KREMEN1: variants seen among roughly 807,000 people sequenced by gnomAD.
The protein encoded by KREMEN1 is kremen protein 1.
KREMEN1 carries 30 observed loss-of-function variants against 46.5 expected under a neutral mutation model. That is an observed-to-expected ratio of 0.65 (90% CI 0.48 to 0.88). The LOEUF is 0.88. Among genes scored for constraint, KREMEN1 ranks in the 40% least tolerant of loss-of-function variants. The pLI, the probability that KREMEN1 is intolerant of heterozygous loss-of-function variation, is 0.00. For synonymous variants in KREMEN1, 214 were observed against 230.6 expected (o/e 0.93, Z 0.65); for missense variants, 533 against 596.9 (o/e 0.89, Z 1.11).
rs377280163 is a variant in KREMEN1, at chr22:29,137,610, C to T, written c.900C>T (p.Phe300=). Residue 300 remains phenylalanine, a synonymous_variant, in exon 6 of 9, where the codon TTC becomes TTT. Transcript: ENST00000400335. ...PPLSFNVSLD[F]VILYFFSDRI... is the part of the protein sequence containing the mutation. ...TGTCCTTCAACGTCTCTCTGGACTT[C>T]GTCATCTTGTATTTCTTCTCTGATC... 3.7e-6 allele frequency: 6 copies of T among 1,612,424 alleles called. No individual in the cohort carries two copies. Among genetic ancestry groups the T allele is most frequent in the African/African-American group, 1.3e-5 (1 of 74,912 alleles).
chr22:29,096,099 G>A (rs1322976394), intron 2 of KREMEN1, among the ~76,000 whole-genome samples: 2 of 151,976 alleles, frequency 1.3e-5, no homozygotes, highest in Non-Finnish European at 1.5e-5. Context: ...AGTTATACAT[G>A]TTAATTTATT....
chr22:29,166,461 C>G (rs1258726106), intron 9 of KREMEN1, among the ~76,000 whole-genome samples: 2 of 152,200 alleles, frequency 1.3e-5, no homozygotes, highest in Non-Finnish European at 2.9e-5. Context: ...GGGAGGTCCC[C>G]CTAGACCTCG....
At chr22:29,138,871 G>A (rs1369313487) in intron 7 of KREMEN1, 89 bp downstream of exon 7, 2 of 1,586,946 alleles carry the variant, frequency 1.3e-6, no homozygotes, top group African/African-American at 1.3e-5. Context: ...AAAGCACTTG[G>A]GTGTTTCTTA....
chr22:29,118,663 A>T (rs2038282487), intron 3 of KREMEN1, among the ~76,000 whole-genome samples: 1 of 151,996 alleles, frequency 6.6e-6, no homozygotes, highest in African/African-American at 2.4e-5. Flanking sequence ...TCATAATCTC[A>T]TCTAAACCTA....
intron 3 of KREMEN1, among the ~76,000 whole-genome samples, chr22:29,103,966 TA>T (rs959543552): frequency 2.6e-5 from 4 of 151,858 alleles, no homozygotes; most frequent in Non-Finnish European, 4.4e-5. Context: ...AAGAATGGTT[TA>T]AAAAAAAGTG....
chr22:29,107,206 G>A, intron 3 of KREMEN1, among the ~76,000 whole-genome samples: 1 of 146,472 alleles, frequency 6.8e-6, no homozygotes, highest in East Asian at 2.0e-4. Flanking sequence ...ACATCCCCGT[G>A]TACCATTTAT....
chr22:29,143,169 TA>T lies in KREMEN1; in HGVS notation c.*1060del, dbSNP rs1390982394. On this transcript the variant is annotated 3_prime_UTR_variant, in exon 9 of 9. Transcript: ENST00000400335. The stretch of plus-strand genomic sequence containing the variant: ...CTGTCTCAAAAAAACAAAACACAAA[TA>T]AACAAAAAAAATCCATTCATTTACT... The T allele has an allele frequency of 1.0e-6, 1 of 984,002 alleles. No homozygotes were observed. Among genetic ancestry groups the T allele is most frequent in the Non-Finnish European group, 1.2e-6 (1 of 829,338 alleles). The allele number at this position is 984,002 out of a possible 1,614,324, so 61.0% of individuals were successfully genotyped here. A position where few individuals can be genotyped will look rare whatever the true frequency, so the allele number is the denominator to read the frequency against.
At chr22:29,151,659 G>A (rs1234921649), downstream of KREMEN1, among the ~76,000 whole-genome samples, 1 of 152,154 alleles carries the variant, frequency 6.6e-6, no homozygotes, top group Non-Finnish European at 1.5e-5. Flanking sequence ...TAATGTTCAT[G>A]TGTCACGAAA....
At chr22:29,151,062 G>A (rs906201786), downstream of KREMEN1, among the ~76,000 whole-genome samples, 10 of 148,880 alleles carry the variant, frequency 6.7e-5, no homozygotes, top group East Asian at 6.0e-4. Flanking sequence ...AGTGTGGATC[G>A]ATTTTCCTGG....
At chr22:29,127,314 G>A (rs1352085299) in intron 5 of KREMEN1, among the ~76,000 whole-genome samples, 1 of 152,114 alleles carries the variant, frequency 6.6e-6, no homozygotes, top group African/African-American at 2.4e-5. Flanking sequence ...TAGTGTGAGG[G>A]TTTACTACCT....
At chr22:29,115,986 GA>G (rs1199342193) in intron 3 of KREMEN1, among the ~76,000 whole-genome samples, 7 of 152,162 alleles carry the variant, frequency 4.6e-5, no homozygotes, top group African/African-American at 1.7e-4. Context: ...TGTACCATGT[GA>G]GAAAGTTTGG....
At chr22:29,140,190 A>G in intron 7 of KREMEN1, 92 bp from the exon 8 acceptor site, 1 of 941,046 alleles carries the variant, frequency 1.1e-6, no homozygotes, top group South Asian at 1.4e-5. Flanking sequence ...GGAGCCCCTC[A>G]GCCAGACTTA....
At chr22:29,133,656 T>G (rs959431888) in intron 5 of KREMEN1, among the ~76,000 whole-genome samples, 22 of 152,136 alleles carry the variant, frequency 1.4e-4, no homozygotes, top group South Asian at 4.1e-4. Flanking sequence ...GTCTGTTTTT[T>G]TTTGTTTGTT....
In KREMEN1 at chr22:29,138,458, A is replaced by G. The variant is rs5762999; in HGVS notation, c.965-166A>G. Among the ~76,000 whole-genome samples the G allele has an allele frequency of 3.7e-4, 56 of 152,358 alleles. No individual in the cohort carries two copies. In the East Asian group the frequency reaches 0.01, roughly 27 times the overall value. ...ATCCTTCTGCCTTCTAAAGGGTGAC[A>G]GCCTGACAGGTTCTGTTTTGGGGCT... On this transcript the variant is annotated intron_variant, in intron 6 of 8. Transcript: ENST00000400335.
At chr22:29,080,375 G>A (rs908609491) in intron 1 of KREMEN1, among the ~76,000 whole-genome samples, 4 of 152,220 alleles carry the variant, frequency 2.6e-5, no homozygotes, top group African/African-American at 9.6e-5. Flanking sequence ...CAAATGGCAG[G>A]AAGAGATTTG....
chr22:29,135,750 A>T (rs2038647617), intron 5 of KREMEN1, among the ~76,000 whole-genome samples: 1 of 152,120 alleles, frequency 6.6e-6, no homozygotes, highest in Admixed American at 6.5e-5. Flanking sequence ...CTTTCTTGTT[A>T]CTTCTCTGGC....
Position 29,161,230 on chromosome 22 carries a change from A to G in KREMEN1, c.1417-5814A>G, listed in dbSNP as rs572100629. Among the ~76,000 whole-genome samples, 26 of 152,282 alleles carry G rather than the reference A, an allele frequency of 1.7e-4. No homozygotes were observed. The South Asian group carries it at 3.1e-3, about 18-fold the overall frequency. ...TTCAGAAATTGAATCAGCACTGGCC[A>G]GGCGTGGTGGCTCATGCCTGTGATC... On this transcript the variant is annotated intron_variant, in intron 9 of 9. Transcript: ENST00000327813.
chr22:29,107,801 G>A (rs760941803), intron 3 of KREMEN1, among the ~76,000 whole-genome samples: 12 of 152,090 alleles, frequency 7.9e-5, no homozygotes, highest in Admixed American at 2.0e-4. Flanking sequence ...AGCTCAGGAG[G>A]TTGAGGCTGA....
Position 29,073,234 on chromosome 22 carries a change from G to T in KREMEN1, c.97+7G>T. 1 of 1,143,098 alleles carries T rather than the reference G, an allele frequency of 8.7e-7. No individual in the cohort carries two copies. The highest frequency in any genetic ancestry group is 1.1e-6 in the Non-Finnish European group (1 of 922,028). The allele number at this position is 1,143,098 out of a possible 1,614,324, so 70.8% of individuals were successfully genotyped here. ...GGCCTCGGCCCCGGACCCGGTGAGT[G>T]TGAGCGACCCCCCGCCGCCCGCCCT... On this transcript the variant is annotated splice_region_variant and intron_variant, in intron 1 of 8. Coordinates refer to ENST00000400335, the MANE Select transcript of KREMEN1 (RefSeq NM_001039570.3). The surrounding 1 kb of genome is among the most constrained non-coding windows in gnomAD (Gnocchi z 4.4).
Sources: allele counts gnomAD v4.1 joint callset (sites outside exome capture counted in the v4.1 genomes callset), GRCh38; gene constraint gnomAD v4.1.1; non-coding constraint Gnocchi (gnomAD v3.1); transcripts MANE v1.5; gene names NCBI Gene and HGNC (gene_info 2026-07-23, HGNC 2026-07-21).